Variants in QTMAN observed in about 807,000 individuals in gnomAD.
QTMAN encodes tRNA-queuosine alpha-mannosyltransferase.
the QTMAN span, among the ~76,000 whole-genome samples, chr2:143,971,156 G>A: frequency 6.6e-6 from 1 of 151,100 alleles, no homozygotes; most frequent in Non-Finnish European, 1.5e-5. Context: ...AATCTTCAAA[G>A]GCTGACTCTC....
the QTMAN span, among the ~76,000 whole-genome samples, chr2:144,151,742 C>G: frequency 6.6e-6 from 1 of 152,160 alleles, no homozygotes. Flanking sequence ...TTTCAAAAGT[C>G]TTTGGTTTCA....
At chr2:143,957,282 A>G in the QTMAN span, 1 of 1,612,078 alleles carries the variant, frequency 6.2e-7, no homozygotes, top group Non-Finnish European at 8.5e-7. Flanking sequence ...TTTGCTGGGT[A>G]AGTAGCCCCA....
chr2:143,990,984 G>C, the QTMAN span, among the ~76,000 whole-genome samples: 16 of 151,820 alleles, frequency 1.1e-4, no homozygotes, highest in African/African-American at 3.9e-4. Context: ...TAAAGTCAAG[G>C]GATACAATTA....
At chr2:144,029,353 T>A in the QTMAN span, among the ~76,000 whole-genome samples, 1 of 152,350 alleles carries the variant, frequency 6.6e-6, no homozygotes, top group East Asian at 1.9e-4. Flanking sequence ...TTATATTTAT[T>A]TTTATGTCTG....
At chr2:144,073,296 C>A in the QTMAN span, among the ~76,000 whole-genome samples, 5 of 150,468 alleles carry the variant, frequency 3.3e-5, no homozygotes, top group Non-Finnish European at 7.4e-5. Flanking sequence ...AACTGAATAT[C>A]CTGGCAATTA....
the QTMAN span, among the ~76,000 whole-genome samples, chr2:144,182,196 T>A: frequency 6.9e-4 from 105 of 152,332 alleles, no homozygotes; most frequent in African/African-American, 2.5e-3. Context: ...ATTGACTACA[T>A]GGTACATTCA....
At chr2:143,939,071 T>C in the QTMAN span, 1 of 152,268 alleles carries the variant, frequency 6.6e-6, no homozygotes, top group African/African-American at 2.4e-5. Context: ...CTAATACCTA[T>C]TTAGGAACAC....
the QTMAN span, among the ~76,000 whole-genome samples, chr2:144,261,485 G>T: frequency 6.6e-6 from 1 of 152,008 alleles, no homozygotes; most frequent in Non-Finnish European, 1.5e-5. Flanking sequence ...CTTCAAAAAC[G>T]TTAAATATAA....
chr2:143,971,115 CTT>C, the QTMAN span, among the ~76,000 whole-genome samples: 72 of 144,314 alleles, frequency 5.0e-4, no homozygotes, highest in African/African-American at 1.6e-3. Flanking sequence ...TAAAAATAAA[CTT>C]TTTTTTTTTT....
the QTMAN span, among the ~76,000 whole-genome samples, chr2:144,176,156 G>A: frequency 6.6e-6 from 1 of 152,044 alleles, no homozygotes; most frequent in African/African-American, 2.4e-5. Context: ...AACAGAGTAA[G>A]ACATCATAAA....
the QTMAN span, among the ~76,000 whole-genome samples, chr2:144,004,454 A>G: frequency 6.6e-6 from 1 of 152,052 alleles, no homozygotes; most frequent in Non-Finnish European, 1.5e-5. Context: ...CCAATTAAAA[A>G]TAAACTGTAT....
At chr2:144,056,575 G>A in the QTMAN span, among the ~76,000 whole-genome samples, 124 of 152,244 alleles carry the variant, frequency 8.1e-4, no homozygotes, top group African/African-American at 2.5e-3. Context: ...TGCATACTGC[G>A]ATATTCCTAT....
At chr2:144,009,236 A>C in the QTMAN span, among the ~76,000 whole-genome samples, 1 of 152,146 alleles carries the variant, frequency 6.6e-6, no homozygotes, top group Non-Finnish European at 1.5e-5. Context: ...TTTAGGTGGC[A>C]GGTGTAGAAT....
chr2:144,325,087 C>T, the QTMAN span, among the ~76,000 whole-genome samples: 1 of 152,314 alleles, frequency 6.6e-6, no homozygotes, highest in Non-Finnish European at 1.5e-5. Context: ...TAAGGGCCTA[C>T]ACTACAAGAT....
the QTMAN span, among the ~76,000 whole-genome samples, chr2:144,074,863 T>C: frequency 6.6e-6 from 1 of 152,176 alleles, no homozygotes; most frequent in East Asian, 1.9e-4. Context: ...ATGATGATCA[T>C]TACCTCAATA....
the QTMAN span, among the ~76,000 whole-genome samples, chr2:144,134,036 C>T: frequency 1.3e-5 from 2 of 152,002 alleles, no homozygotes; most frequent in East Asian, 1.9e-4. Flanking sequence ...AGGTGTTTTC[C>T]GGCAACTTCC....
At chr2:144,284,267 C>CAAAATA in the QTMAN span, among the ~76,000 whole-genome samples, 1 of 151,648 alleles carries the variant, frequency 6.6e-6, no homozygotes, top group Non-Finnish European at 1.5e-5. Context: ...GGAAAAAAAT[C>CAAAATA]AAAATAAAGA....
At chr2:144,330,870 G>A in the QTMAN span, among the ~76,000 whole-genome samples, 1 of 152,088 alleles carries the variant, frequency 6.6e-6, no homozygotes, top group African/African-American at 2.4e-5. Flanking sequence ...TAATGGGATT[G>A]GATTATACTG....
the QTMAN span, among the ~76,000 whole-genome samples, chr2:143,951,173 G>A: frequency 6.6e-6 from 1 of 151,478 alleles, no homozygotes; most frequent in South Asian, 2.1e-4. Flanking sequence ...AAAACTGCTA[G>A]ATGTAAACTA....
Sources: allele counts gnomAD v4.1 joint callset (sites outside exome capture counted in the v4.1 genomes callset), GRCh38; gene constraint gnomAD v4.1.1; transcripts MANE v1.5; gene names NCBI Gene and HGNC (gene_info 2026-07-23, HGNC 2026-07-21).